Variants in HACD2 observed in about 807,000 individuals in gnomAD.
HACD2 encodes very-long-chain (3R)-3-hydroxyacyl-CoA dehydratase 2.
A neutral mutation model predicts 31.0 loss-of-function variants in HACD2; 15 were observed. The observed-to-expected ratio is 0.48, with a 90% CI of 0.32 to 0.75. HACD2 has a LOEUF of 0.75. Ranked by LOEUF, HACD2 falls within the 30% of genes least tolerant of loss-of-function variation. The pLI, the probability that HACD2 is intolerant of heterozygous loss-of-function variation, is 0.03. For synonymous variants in HACD2, 115 were observed against 122.2 expected, an observed-to-expected ratio of 0.94 and a Z score of 0.39; for missense variants, 283 against 313.0, an observed-to-expected ratio of 0.90 and a Z score of 0.72.
intron 6 of HACD2, chr3:123,499,516 G>A: frequency 2.4e-6 from 1 of 413,040 alleles, no homozygotes; most frequent in South Asian, 1.7e-5. Context: ...TCTGGATGTA[G>A]TTTTTTTCTC....
intron 3 of HACD2, among the ~76,000 whole-genome samples, chr3:123,547,904 C>T (rs80057653): frequency 0.012 from 1,804 of 152,184 alleles, 21 homozygotes; most frequent in Non-Finnish European, 0.02. Context: ...TTTTCCTCAA[C>T]GCATACATGA....
At position 123,509,532 on chromosome 3, in the gene HACD2, T is replaced by C. The variant is rs181467793; in HGVS notation, c.382-6851A>G. On this transcript the variant is annotated intron_variant, in intron 4 of 6. Coordinates refer to ENST00000383657, the MANE Select transcript of HACD2 (RefSeq NM_198402.5). Reference sequence around the variant, plus strand: ...TTTTTTTTTTGAGATGGAGTCTCGCTCTGTTGCCCAGGCTGGAGTGCAGTG... The same window carrying C: ...TTTTTTTTTTGAGATGGAGTCTCGCCCTGTTGCCCAGGCTGGAGTGCAGTG... Among the ~76,000 whole-genome samples the C allele has an allele frequency of 4.5e-4, 67 of 147,760 alleles. 3 individuals are homozygous for C. The East Asian group carries it at 0.013, about 30-fold the overall frequency.
intron 2 of HACD2, among the ~76,000 whole-genome samples, chr3:123,570,840 G>T (rs1201284317): frequency 6.6e-6 from 1 of 151,572 alleles, no homozygotes; most frequent in African/African-American, 2.4e-5. Context: ...GTTTAACAGG[G>T]GATACTTTTA....
intron 3 of HACD2, among the ~76,000 whole-genome samples, chr3:123,545,780 T>C (rs2056553235): frequency 6.6e-6 from 1 of 151,532 alleles, no homozygotes; most frequent in Non-Finnish European, 1.5e-5. Context: ...GGTGCGATCT[T>C]AGCTCACTGC....
intron 3 of HACD2, among the ~76,000 whole-genome samples, chr3:123,535,489 T>A (rs2056414420): frequency 6.6e-6 from 1 of 152,214 alleles, no homozygotes; most frequent in African/African-American, 2.4e-5. Context: ...AGGTACAACT[T>A]AATGCCATGT....
chr3:123,556,744 A>C (rs1275933902), intron 3 of HACD2, among the ~76,000 whole-genome samples: 3 of 152,208 alleles, frequency 2.0e-5, no homozygotes, highest in African/African-American at 7.2e-5. Context: ...AAAATATAGA[A>C]AGAATTCTTA....
In HACD2 at chr3:123,493,754, C is replaced by T. The variant is rs185214064; in HGVS notation, c.*1134G>A. On this transcript the variant is annotated 3_prime_UTR_variant, in exon 7 of 7. Transcript: ENST00000383657. ...CCAAACTATTTCTTGGCTGCTCCAA[C>T]ATGCGGAGATGACACTGCTTTTAGC... 6.6e-6 allele frequency: 1 copy of T among 152,326 alleles called. No individual in the cohort carries two copies. Among genetic ancestry groups the T allele is most frequent in the East Asian group, 1.9e-4 (1 of 5,188 alleles). The allele number at this position is 152,326 out of a possible 1,614,324, so 9.4% of individuals were successfully genotyped here. A position where few individuals can be genotyped will look rare whatever the true frequency, so the allele number is the denominator to read the frequency against.
Position 123,494,748 on chromosome 3 carries a change from A to G in HACD2, c.*140T>C. 4.4e-6 allele frequency: 3 copies of G among 684,666 alleles called. No individual in the cohort carries two copies. The highest frequency in any genetic ancestry group is 7.6e-6 in the Non-Finnish European group (3 of 394,520). The allele number at this position is 684,666 out of a possible 1,614,324, so 42.4% of individuals were successfully genotyped here. On this transcript the variant is annotated 3_prime_UTR_variant, in exon 7 of 7. Coordinates refer to ENST00000383657, the MANE Select transcript of HACD2 (RefSeq NM_198402.5). ...AAATCTCAGGCCCATGTGACACTGGATTTTTGTTTTAGTTTTGTTTGAATA... is the reference window on the plus strand; with the variant it reads ...AAATCTCAGGCCCATGTGACACTGGGTTTTTGTTTTAGTTTTGTTTGAATA...
chr3:123,549,200 AC>A (rs1335709650), intron 3 of HACD2, among the ~76,000 whole-genome samples: 3 of 152,120 alleles, frequency 2.0e-5, no homozygotes, highest in African/African-American at 7.2e-5. Flanking sequence ...CAATAAAAAA[AC>A]AATATATTCC....
At chr3:123,560,249 G>A (rs2056713568) in intron 3 of HACD2, among the ~76,000 whole-genome samples, 1 of 152,206 alleles carries the variant, frequency 6.6e-6, no homozygotes, top group African/African-American at 2.4e-5. Context: ...CTACTAAGCT[G>A]GTCTGGTCTG....
intron 3 of HACD2, chr3:123,543,637 C>T: frequency 2.6e-6 from 1 of 389,422 alleles, no homozygotes; most frequent in Non-Finnish European, 4.9e-6. Flanking sequence ...GATCACATAA[C>T]AAAATGGAAA....
chr3:123,509,657 C>CCA (rs2056028015), intron 4 of HACD2, among the ~76,000 whole-genome samples: 1 of 151,918 alleles, frequency 6.6e-6, no homozygotes, highest in Non-Finnish European at 1.5e-5. Flanking sequence ...TGCCACCATG[C>CCA]CTGGCTAATT....
At chr3:123,507,994 C>T (rs1436460220) in intron 4 of HACD2, among the ~76,000 whole-genome samples, 1 of 148,286 alleles carries the variant, frequency 6.7e-6, no homozygotes, top group African/African-American at 2.5e-5. Context: ...GACCCCCCCT[C>T]TCTTAAAAAA....
chr3:123,537,578 T>C (rs1421313425), intron 3 of HACD2, among the ~76,000 whole-genome samples: 4 of 144,402 alleles, frequency 2.8e-5, no homozygotes, highest in East Asian at 2.0e-4. Context: ...CAACAACAAA[T>C]ACACATACAC....
chr3:123,518,688 GT>G (rs2056175661), intron 4 of HACD2, among the ~76,000 whole-genome samples: 1 of 152,074 alleles, frequency 6.6e-6, no homozygotes, highest in Non-Finnish European at 1.5e-5. Context: ...CACATTCTGG[GT>G]TATTCTGGCA....
At chr3:123,531,824 A>G (rs894530165) in intron 3 of HACD2, among the ~76,000 whole-genome samples, 10 of 152,162 alleles carry the variant, frequency 6.6e-5, no homozygotes, top group Non-Finnish European at 1.3e-4. Context: ...CTTTGAGTTA[A>G]TATGTTTGTT....
At chr3:123,514,824 A>G (rs1289899801) in intron 4 of HACD2, among the ~76,000 whole-genome samples, 1 of 152,230 alleles carries the variant, frequency 6.6e-6, no homozygotes, top group East Asian at 1.9e-4. Context: ...TCCCATTAGC[A>G]GGGCTAATTA....
At chr3:123,544,178 C>T (rs2056527481) in intron 3 of HACD2, among the ~76,000 whole-genome samples, 2 of 152,174 alleles carry the variant, frequency 1.3e-5, no homozygotes, top group South Asian at 4.1e-4. Flanking sequence ...AGCCTGTCGA[C>T]AGCACATAAA....
chr3:123,569,573 G>A (rs2056830547), intron 2 of HACD2, among the ~76,000 whole-genome samples: 1 of 152,088 alleles, frequency 6.6e-6, no homozygotes, highest in African/African-American at 2.4e-5. Context: ...TGTTGCCCAG[G>A]CTAGTCTTGA....
Sources: gnomAD v4.1 joint callset for allele counts (sites outside exome capture counted in the v4.1 genomes callset) on GRCh38, gnomAD v4.1.1 for gene constraint, MANE v1.5 for transcripts, NCBI Gene and HGNC (gene_info 2026-07-23, HGNC 2026-07-21) for gene names.